Variants in ETS1 observed in about 807,000 individuals in gnomAD.
The protein encoded by ETS1 is protein C-ets-1.
In ETS1, 15 loss-of-function variants were observed where a neutral mutation model predicts 58.6. The observed-to-expected ratio is 0.26, with a 90% confidence interval of 0.17 to 0.39. The LOEUF (loss-of-function observed/expected upper bound fraction) is 0.39. ETS1 is among the 10% of genes least tolerant of loss of function. The probability of loss-of-function intolerance (pLI) is 1.00; values close to 1 mark genes in which losing one functional copy is unlikely to be tolerated. For missense variants in ETS1, 417 were observed against 610.5 expected, an observed-to-expected ratio of 0.68 and a Z score of 3.34; for synonymous variants, 214 against 218.2, an observed-to-expected ratio of 0.98 and a Z score of 0.17.
chr11:128,559,008 C>T (rs1179201676), intron 2 of ETS1, among the ~76,000 whole-genome samples: 1 of 152,152 alleles, frequency 6.6e-6, no homozygotes, highest in Non-Finnish European at 1.5e-5. Flanking sequence ...ATTCTAAATG[C>T]TGTGAAGAAT....
At chr11:128,506,838 C>T (rs1236240529) in intron 3 of ETS1, among the ~76,000 whole-genome samples, 1 of 152,140 alleles carries the variant, frequency 6.6e-6, no homozygotes, top group Admixed American at 6.5e-5. Flanking sequence ...AGAGGAAGGG[C>T]CACAGGTTCT....
chr11:128,525,605 A>G (rs1018570635), intron 3 of ETS1, among the ~76,000 whole-genome samples: 1 of 137,138 alleles, frequency 7.3e-6, no homozygotes, highest in Non-Finnish European at 1.5e-5. Flanking sequence ...TTACTGGTAT[A>G]AATGTAAGAT....
chr11:128,498,033 T>C (rs1862989980), intron 3 of ETS1, among the ~76,000 whole-genome samples: 1 of 152,200 alleles, frequency 6.6e-6, no homozygotes, highest in Admixed American at 6.5e-5. Context: ...CTTTTAAATA[T>C]GTGTTTTTCT....
intron 8 of ETS1, among the ~76,000 whole-genome samples, chr11:128,468,467 C>G (rs1862098184): frequency 6.6e-6 from 1 of 152,208 alleles, no homozygotes; most frequent in Admixed American, 6.5e-5. Context: ...TTCTCATTTT[C>G]CAGATCTGGG....
intron 3 of ETS1, among the ~76,000 whole-genome samples, chr11:128,517,018 G>A (rs1445860617): frequency 2.6e-5 from 4 of 152,178 alleles, no homozygotes; most frequent in Non-Finnish European, 4.4e-5. Flanking sequence ...TATGGAAGAC[G>A]TTGCAAAAAC....
chr11:128,558,008 G>T (rs1208310029), intron 2 of ETS1, among the ~76,000 whole-genome samples: 1 of 152,134 alleles, frequency 6.6e-6, no homozygotes, highest in Non-Finnish European at 1.5e-5. Flanking sequence ...TTGACACAGA[G>T]AAAAATGACA....
chr11:128,526,130 G>A (rs1863796761), intron 3 of ETS1: 1 of 150,162 alleles, frequency 6.7e-6, no homozygotes, highest in Non-Finnish European at 1.5e-5. Context: ...AATGAGGGTA[G>A]GAGGAGCTGC....
At chr11:128,473,223 C>G (rs1862233776) in intron 8 of ETS1, among the ~76,000 whole-genome samples, 1 of 152,156 alleles carries the variant, frequency 6.6e-6, no homozygotes, top group Non-Finnish European at 1.5e-5. Flanking sequence ...CTGCTACGCC[C>G]CATGACACTG....
intron 3 of ETS1, among the ~76,000 whole-genome samples, chr11:128,512,297 G>A (rs1343021426): frequency 1.3e-5 from 2 of 152,090 alleles, no homozygotes; most frequent in South Asian, 2.1e-4. Flanking sequence ...AACAGAACAT[G>A]AGGAAAAAAG....
intron 1 of ETS1, among the ~76,000 whole-genome samples, chr11:128,581,561 A>G (rs2135594974): frequency 6.6e-6 from 1 of 152,272 alleles, no homozygotes; most frequent in African/African-American, 2.4e-5. Context: ...GAACCTCAAA[A>G]CAAAAAAAGA....
chr11:128,552,385 T>G (rs530816466), intron 3 of ETS1, among the ~76,000 whole-genome samples: 1 of 152,364 alleles, frequency 6.6e-6, no homozygotes, highest in African/African-American at 2.4e-5. Context: ...AGAAAAAGTA[T>G]TGTCTTGTTT....
chr11:128,549,304 C>T lies in ETS1; in HGVS notation c.214+6987G>A, dbSNP rs1864191021. Among the ~76,000 whole-genome samples the T allele has an allele frequency of 6.6e-6, 1 of 151,170 alleles. No individual in the cohort carries two copies. Among genetic ancestry groups the T allele is most frequent in the South Asian group, 2.1e-4 (1 of 4,816 alleles). ...CGCCCCTCGCCCCTCTCCTGGGCTC[C>T]GGCTCCCACCTCATCGGCCCACCCG... On this transcript the variant is annotated intron_variant, in intron 3 of 9. Transcript: ENST00000392668. The surrounding 1 kb of genome is among the most constrained non-coding windows in gnomAD (Gnocchi z 4.3).
intron 8 of ETS1, among the ~76,000 whole-genome samples, chr11:128,475,491 G>T (rs1862296549): frequency 6.6e-6 from 1 of 150,758 alleles, no homozygotes. Flanking sequence ...TCTATGAAAT[G>T]ACAAGAAGAG....
intron 5 of ETS1, 85 bp from the exon 6 acceptor site, chr11:128,486,231 A>C (rs1862629020): frequency 1.2e-6 from 1 of 816,766 alleles, no homozygotes. Context: ...CAAAGACCAC[A>C]ATGATCTCAA....
At chr11:128,479,295 G>A (rs1457736329) in intron 8 of ETS1, among the ~76,000 whole-genome samples, 1 of 152,144 alleles carries the variant, frequency 6.6e-6, no homozygotes, top group Non-Finnish European at 1.5e-5. Flanking sequence ...AATTATAAGA[G>A]AATAAAGGCC....
At chr11:128,522,243 C>T (rs931994118) in intron 3 of ETS1, 2 of 1,195,706 alleles carry the variant, frequency 1.7e-6, no homozygotes, top group Non-Finnish European at 2.1e-6. Context: ...GCCGCGCCCG[C>T]TCCTCCTGCC....
At chr11:128,566,671 T>TACTCAGG (rs1864506252) in intron 2 of ETS1, among the ~76,000 whole-genome samples, 1 of 151,668 alleles carries the variant, frequency 6.6e-6, no homozygotes, top group Non-Finnish European at 1.5e-5. Context: ...TAGTCCCAGC[T>TACTCAGG]ACTCAGGAGG....
intron 2 of ETS1, among the ~76,000 whole-genome samples, chr11:128,566,950 A>G (rs1013222766): frequency 6.6e-6 from 1 of 152,196 alleles, no homozygotes; most frequent in East Asian, 1.9e-4. Context: ...AAGACAGTGT[A>G]AGGTGCGTTG....
At position 128,548,132 on chromosome 11, in the gene ETS1, A is replaced by G. The variant is rs7112049; in HGVS notation, c.214+8159T>C. Among the ~76,000 whole-genome samples the G allele has an allele frequency of 4.2e-4, 35 of 84,008 alleles. 1 individual carries two copies. The highest frequency in any genetic ancestry group is 1.6e-3 in the East Asian group (3 of 1,820). 55.1% of individuals were successfully genotyped at this position (84,008 alleles called of 152,430 possible). ...AAAGGGAAGGAAAGGAAAGGAAAGG[A>G]AAGGGAAGGGAAGGGAAGGGAAGGA... is the stretch of plus-strand genomic sequence containing the variant. On this transcript the variant is annotated intron_variant, in intron 3 of 9. Transcript: ENST00000392668.
Sources: gnomAD v4.1 joint callset for allele counts (sites outside exome capture counted in the v4.1 genomes callset) on GRCh38, gnomAD v4.1.1 for gene constraint, Gnocchi (gnomAD v3.1) non-coding constraint, MANE v1.5 for transcripts, NCBI Gene and HGNC (gene_info 2026-07-23, HGNC 2026-07-21) for gene names.